The following NFKB1 variants were observed in gnomAD, a reference collection of about 807,000 sequenced individuals.
NFKB1 encodes the protein nuclear factor kappa B subunit 1.
A neutral mutation model predicts 105.1 loss-of-function variants in NFKB1; 9 were observed. The ratio of observed to expected loss-of-function variants is 0.09; its 90% CI spans 0.05 to 0.15. The LOEUF is 0.15. NFKB1 is among the 10% of genes least tolerant of loss of function. The probability of loss-of-function intolerance (pLI) is 1.00; values close to 1 mark genes in which losing one functional copy is unlikely to be tolerated. For missense variants in NFKB1, 830 were observed against 1,203.7 expected, an observed-to-expected ratio of 0.69 and a Z score of 4.59; for synonymous variants, 440 against 442.2, an observed-to-expected ratio of 1.00 and a Z score of 0.06.
intron 3 of NFKB1, among the ~76,000 whole-genome samples, chr4:102,532,637 T>C (rs183773110): frequency 6.6e-6 from 1 of 151,898 alleles, no homozygotes; most frequent in Admixed American, 6.6e-5. Context: ...CAAAAAAAAA[T>C]AAAAAAAATT....
At chr4:102,583,741 CTTAA>C (rs1326494955) in intron 10 of NFKB1, among the ~76,000 whole-genome samples, 4 of 152,210 alleles carry the variant, frequency 2.6e-5, no homozygotes, top group Non-Finnish European at 4.4e-5. Flanking sequence ...GAGCCCCCAC[CTTAA>C]TTATTATTCT....
intron 16 of NFKB1, 70 bp downstream of exon 16, chr4:102,601,079 G>A: frequency 3.1e-6 from 3 of 964,878 alleles, no homozygotes; most frequent in Non-Finnish European, 4.8e-6. Context: ...TTATGTTTGG[G>A]TGCATGTTAT....
chr4:102,506,489 C>T (rs750300710), intron 1 of NFKB1, among the ~76,000 whole-genome samples: 16 of 152,184 alleles, frequency 1.1e-4, no homozygotes, highest in Admixed American at 5.9e-4. Context: ...TTTCCACTTT[C>T]ATACTTTAAT....
chr4:102,545,144 C>T (rs923891710), intron 5 of NFKB1, among the ~76,000 whole-genome samples: 1 of 152,120 alleles, frequency 6.6e-6, no homozygotes, highest in Non-Finnish European at 1.5e-5. Flanking sequence ...ACATGTGTTC[C>T]ACTGCCTCCT....
At chr4:102,574,723 A>G (rs982424797) in intron 6 of NFKB1, among the ~76,000 whole-genome samples, 2 of 151,978 alleles carry the variant, frequency 1.3e-5, no homozygotes, top group Admixed American at 1.3e-4. Context: ...GTGTCTAAAA[A>G]CCATTTCTTC....
intron 5 of NFKB1, among the ~76,000 whole-genome samples, chr4:102,553,195 G>A (rs1368631782): frequency 6.6e-6 from 1 of 151,936 alleles, no homozygotes; most frequent in Non-Finnish European, 1.5e-5. Flanking sequence ...GTACAAAGGA[G>A]ATTCTACACC....
chr4:102,563,819 CTTTTTTTTTT>C lies in NFKB1; in HGVS notation c.259-3157_259-3148del, dbSNP rs34134600. On this transcript the variant is annotated intron_variant, in intron 5 of 23. Transcript: ENST00000226574. ...CTTGACTTTAACTGAAAGCTTAACTCTTTTTTTTTTTTTTTTTTTTAAACGGAGTCTTGCT... is the reference window on the plus strand; with the variant it reads ...CTTGACTTTAACTGAAAGCTTAACTCTTTTTTTTTTAAACGGAGTCTTGCT... Among the ~76,000 whole-genome samples, 9 of 124,588 alleles carry C rather than the reference CTTTTTTTTTT, an allele frequency of 7.2e-5. No individual in the cohort carries two copies. In the South Asian group the frequency reaches 2.4e-3, roughly 34 times the overall value. The allele number at this position is 124,588 out of a possible 152,430, so 81.7% of individuals were successfully genotyped here.
chr4:102,507,923 A>G (rs1056372688), intron 1 of NFKB1, among the ~76,000 whole-genome samples: 6 of 152,244 alleles, frequency 3.9e-5, no homozygotes, highest in Non-Finnish European at 5.9e-5. Context: ...AAGTGATGAC[A>G]GACTCCCTAA....
intron 5 of NFKB1, among the ~76,000 whole-genome samples, chr4:102,557,784 G>A (rs28566809): frequency 0.058 from 8,779 of 152,150 alleles, 284 homozygotes; most frequent in African/African-American, 0.092. Flanking sequence ...TTTGAGGGAA[G>A]AACTGCTGCC....
chr4:102,533,812 C>A lies in NFKB1; in HGVS notation c.119-33C>A. On this transcript the variant is annotated intron_variant, in intron 3 of 23. Coordinates refer to ENST00000226574, the MANE Select transcript of NFKB1 (RefSeq NM_003998.4). ...CCAAATTTGAGAAGCCTCACAGTTTCTTTTGGTTTCTGTTTGTTGTTTTTG... is the reference window on the plus strand; with the variant it reads ...CCAAATTTGAGAAGCCTCACAGTTTATTTTGGTTTCTGTTTGTTGTTTTTG... 2.5e-6 allele frequency: 4 copies of A among 1,595,688 alleles called. No individual in the cohort carries two copies. The East Asian group carries it at 6.7e-5, about 27-fold the overall frequency.
Position 102,552,138 on chromosome 4 carries a change from T to C in NFKB1, c.258+14182T>C, listed in dbSNP as rs60555739. ...AGGCCACACCAGGAATACAGTGTAGTACTGCTGGGCACCACATTTGTAGAG... is the reference window on the plus strand; with the variant it reads ...AGGCCACACCAGGAATACAGTGTAGCACTGCTGGGCACCACATTTGTAGAG... On this transcript the variant is annotated intron_variant, in intron 5 of 23. Coordinates refer to ENST00000226574, the MANE Select transcript of NFKB1 (RefSeq NM_003998.4). Among the ~76,000 whole-genome samples the C allele has an allele frequency of 7.6e-3, 1,157 of 152,302 alleles. 7 individuals carry two copies. Among genetic ancestry groups the C allele is most frequent in the African/African-American group, 0.022 (912 of 41,568 alleles).
intron 1 of NFKB1, among the ~76,000 whole-genome samples, chr4:102,518,129 C>A (rs975741102): frequency 4.6e-5 from 7 of 152,052 alleles, no homozygotes; most frequent in Admixed American, 1.3e-4. Flanking sequence ...TGGTTATTGA[C>A]TAGATATGTG....
chr4:102,538,195 A>G (rs889556380), intron 5 of NFKB1, among the ~76,000 whole-genome samples: 1 of 152,228 alleles, frequency 6.6e-6, no homozygotes, highest in Non-Finnish European at 1.5e-5. Context: ...CAAACTTACT[A>G]TTTCTTGATC....
At chr4:102,545,691 G>A (rs564574035) in intron 5 of NFKB1, among the ~76,000 whole-genome samples, 3 of 152,032 alleles carry the variant, frequency 2.0e-5, no homozygotes, top group East Asian at 1.9e-4. Context: ...CTTCAGAATC[G>A]TCCAAAAATG....
chr4:102,593,420 T>C lies in NFKB1; in HGVS notation c.1067-5T>C. On this transcript the variant is annotated splice_polypyrimidine_tract_variant and splice_region_variant and intron_variant, in intron 11 of 23. Transcript: ENST00000226574. ...CTCCTCTGGTTTCTCTTCCTTTAAA[T>C]ACAGATAAAGAAGAAGTGCAGAGGA... 2 of 1,609,020 alleles carry C rather than the reference T, an allele frequency of 1.2e-6. No homozygotes were observed. The highest frequency in any genetic ancestry group is 1.3e-5 in the African/African-American group (1 of 74,710).
At chr4:102,509,293 A>T (rs2149096521) in intron 1 of NFKB1, among the ~76,000 whole-genome samples, 1 of 152,356 alleles carries the variant, frequency 6.6e-6, no homozygotes, top group Non-Finnish European at 1.5e-5. Context: ...TAGAAACTTT[A>T]AAAATATTTC....
rs773070511 is a variant in NFKB1, at chr4:102,525,501, T to C, written c.-7-11T>C. On this transcript the variant is annotated splice_polypyrimidine_tract_variant and intron_variant, in intron 1 of 23. Transcript: ENST00000226574. ...TGTTACAGTTTTGTTTTGTTTTGTT[T>C]TAATACACAGCTTCAGAATGGCAGA... The C allele has an allele frequency of 3.7e-6, 6 of 1,613,062 alleles. No homozygotes were observed. Among genetic ancestry groups the C allele is most frequent in the Non-Finnish European group, 5.1e-6 (6 of 1,179,458 alleles).
chr4:102,578,027 A>G (rs1183766842), intron 7 of NFKB1: 4 of 980,072 alleles, frequency 4.1e-6, no homozygotes, highest in African/African-American at 1.8e-5. Context: ...TGCATTTCCA[A>G]TCTATTTCCC....
intron 6 of NFKB1, among the ~76,000 whole-genome samples, chr4:102,570,951 A>G (rs1724292977): frequency 6.6e-6 from 1 of 152,184 alleles, no homozygotes; most frequent in Non-Finnish European, 1.5e-5. Context: ...TCAAGCTACC[A>G]ATGACTTTCT....
Sources: gnomAD v4.1 joint callset for allele counts (sites outside exome capture counted in the v4.1 genomes callset) on GRCh38, gnomAD v4.1.1 for gene constraint, MANE v1.5 for transcripts, NCBI Gene and HGNC (gene_info 2026-07-23, HGNC 2026-07-21) for gene names.